CNBD2: variants seen among roughly 807,000 people sequenced by gnomAD.
CNBD2 encodes cyclic nucleotide binding domain containing 2, also known as cyclic nucleotide-binding domain-containing protein 2.
CNBD2 carries 64 observed loss-of-function variants against 63.7 expected under a neutral mutation model. The ratio of observed to expected loss-of-function variants is 1.00; its 90% CI spans 0.82 to 1.24. The LOEUF is 1.24. CNBD2 is among the 50% of genes most tolerant of loss of function. CNBD2 has a pLI of 0.00. For synonymous variants in CNBD2, 229 were observed against 255.4 expected (o/e 0.90, Z 0.99); for missense variants, 691 against 713.5 (o/e 0.97, Z 0.36).
intron 8 of CNBD2, among the ~76,000 whole-genome samples, chr20:35,997,412 A>G (rs1176250797): frequency 6.6e-6 from 1 of 152,308 alleles, no homozygotes; most frequent in Non-Finnish European, 1.5e-5. Context: ...TTTGAGTCCC[A>G]TTTATTAGCT....
chr20:35,984,287 T>C (rs2056636668), intron 5 of CNBD2, 149 bp downstream of exon 5: 2 of 801,806 alleles, frequency 2.5e-6, no homozygotes, highest in Non-Finnish European at 2.0e-6. Context: ...CAAATGCTAA[T>C]TGAGTTGGAC....
intron 9 of CNBD2, among the ~76,000 whole-genome samples, chr20:36,009,033 TAC>T (rs1363640210): frequency 6.3e-5 from 9 of 142,098 alleles, no homozygotes; most frequent in African/African-American, 2.8e-4. Flanking sequence ...AGTTAACACT[TAC>T]AGAGTATTTT....
chr20:35,977,183 G>A (rs55680547), intron 3 of CNBD2, among the ~76,000 whole-genome samples: 3 of 152,318 alleles, frequency 2.0e-5, no homozygotes, highest in Admixed American at 6.5e-5. Context: ...CGCAGTAGAG[G>A]GCGGGAAGAG....
chr20:36,023,458 G>C (rs1215449705), intron 10 of CNBD2, 144 bp from the exon 11 acceptor site: 12 of 641,084 alleles, frequency 1.9e-5, no homozygotes, highest in Non-Finnish European at 3.0e-5. Flanking sequence ...GTTGCAGTGA[G>C]CTGAGATTTG....
rs534235446 is a variant in CNBD2 at position 35,997,180 on chromosome 20, C to G, written c.970+2028C>G. ...TTGGGTCAAGGACCCCAGCCCTCAA[C>G]AGATATTTGCAGTGGCTCAGATGTC... On this transcript the variant is annotated intron_variant, in intron 8 of 11. Transcript: ENST00000373973. Among the ~76,000 whole-genome samples, 111 of 152,252 alleles carry G rather than the reference C, an allele frequency of 7.3e-4. 1 individual carries two copies. The highest frequency in any genetic ancestry group is 2.6e-3 in the African/African-American group (107 of 41,540).
intron 7 of CNBD2, among the ~76,000 whole-genome samples, chr20:35,994,539 T>G (rs943726131): frequency 6.6e-6 from 1 of 150,928 alleles, no homozygotes; most frequent in African/African-American, 2.4e-5. Context: ...CTTCAGTTAC[T>G]TGAACTTCGT....
At position 36,011,286 on chromosome 20, in the gene CNBD2, T is replaced by A. The variant is rs760661431; in HGVS notation, c.1269+29T>A. ...AGTGTGCCAAGAGCTCTGTTCACCA[T>A]GGAGTACGTAACATGAATGGGCTGG... On this transcript the variant is annotated intron_variant, in intron 10 of 11. Transcript: ENST00000373973. The A allele has an allele frequency of 3.3e-6, 5 of 1,498,818 alleles. No individual in the cohort carries two copies. The African/African-American group carries it at 4.2e-5, about 13-fold the overall frequency. 92.8% of individuals were successfully genotyped at this position (1,498,818 alleles called of 1,614,324 possible). A position where few individuals can be genotyped will look rare whatever the true frequency, so the allele number is the denominator to read the frequency against.
intron 10 of CNBD2, among the ~76,000 whole-genome samples, chr20:36,020,803 C>A (rs2057197434): frequency 6.6e-6 from 1 of 152,208 alleles, no homozygotes. Flanking sequence ...ATGAGAGACA[C>A]ACGAGGTGCT....
At position 35,975,904 on chromosome 20, in the gene CNBD2, C is replaced by T. The variant is rs753000936; in HGVS notation, c.190-45C>T. 65 of 1,561,112 alleles carry T rather than the reference C, an allele frequency of 4.2e-5. No homozygotes were observed. In the Admixed American group the frequency reaches 1.0e-3, roughly 25 times the overall value. ...GGCTCTAGATGCAAAGTTCTAGGGG[C>T]AGTCTTGCTGATTCTCCCTCTTCTC... On this transcript the variant is annotated intron_variant, in intron 2 of 11. Coordinates refer to ENST00000373973, the MANE Select transcript of CNBD2 (RefSeq NM_001365709.1).
intron 10 of CNBD2, among the ~76,000 whole-genome samples, chr20:36,019,972 A>C (rs2057185982): frequency 6.6e-6 from 1 of 152,218 alleles, no homozygotes; most frequent in South Asian, 2.1e-4. Context: ...TTTGTGCCTC[A>C]GTTTCCTCAT....
intron 10 of CNBD2, among the ~76,000 whole-genome samples, chr20:36,020,689 T>C (rs1395153290): frequency 6.6e-6 from 1 of 152,130 alleles, no homozygotes; most frequent in Non-Finnish European, 1.5e-5. Context: ...TTCATATATA[T>C]ATGTTTCCTC....
Position 36,023,768 on chromosome 20 carries a change from C to T in CNBD2, c.1436C>T (p.Pro479Leu), listed in dbSNP as rs753316398. Residue 479 changes from proline to leucine, a missense_variant, in exon 11 of 12, where the codon CCC becomes CTC. Coordinates refer to ENST00000373973, the MANE Select transcript of CNBD2 (RefSeq NM_001365709.1). ...KKLLKLNIAF[P>L]SDEDMCQKFL... ...TTGTTAAAGCTCAATATTGCATTCC[C>T]CAGGTCAGTACTGGAAATGTGCGTA... The T allele has an allele frequency of 6.2e-7, 1 of 1,608,458 alleles. No individual in the cohort carries two copies. The highest frequency in any genetic ancestry group is 1.1e-5 in the South Asian group (1 of 89,944).
chr20:36,009,803 G>A (rs2057035180), intron 9 of CNBD2, among the ~76,000 whole-genome samples: 1 of 152,170 alleles, frequency 6.6e-6, no homozygotes, highest in Non-Finnish European at 1.5e-5. Flanking sequence ...CTGTACTTCA[G>A]CCTGTGCAAC....
At chr20:36,010,912 G>A (rs2057050044) in intron 9 of CNBD2, among the ~76,000 whole-genome samples, 1 of 152,306 alleles carries the variant, frequency 6.6e-6, no homozygotes, top group South Asian at 2.1e-4. Context: ...GGTGTTTAAG[G>A]GGAGGGCCTG....
intron 10 of CNBD2, among the ~76,000 whole-genome samples, chr20:36,018,121 T>C (rs1199860469): frequency 6.6e-6 from 1 of 152,232 alleles, no homozygotes; most frequent in African/African-American, 2.4e-5. Flanking sequence ...TGGTGTCTGC[T>C]TCACTTCAAT....
At chr20:36,028,072 G>T (rs968141204) in intron 11 of CNBD2, among the ~76,000 whole-genome samples, 5 of 152,134 alleles carry the variant, frequency 3.3e-5, no homozygotes, top group African/African-American at 9.7e-5. Context: ...GTTCCTTCTG[G>T]TTCAAGGATG....
intron 8 of CNBD2, among the ~76,000 whole-genome samples, chr20:36,001,488 G>A (rs898079113): frequency 3.3e-5 from 5 of 150,338 alleles, no homozygotes; most frequent in South Asian, 4.2e-4. Flanking sequence ...CTGGCCGGGC[G>A]GGGGGCTGAC....
Position 35,996,508 on chromosome 20 carries a change from G to GTT in CNBD2, c.970+1371_970+1372dup, listed in dbSNP as rs1275063891. Reference sequence around the variant, plus strand: ...TAATTCTCATAATAGCTCTCTTTTTGTTTTTTTTTTTTTTTTGGAGACAGA... The same window carrying GTT: ...TAATTCTCATAATAGCTCTCTTTTTGTTTTTTTTTTTTTTTTTTGGAGACAGA... On this transcript the variant is annotated intron_variant, in intron 8 of 11. Transcript: ENST00000373973. Among the ~76,000 whole-genome samples the GTT allele has an allele frequency of 4.1e-3, 548 of 132,176 alleles. 7 individuals are homozygous for GTT. Among genetic ancestry groups the GTT allele is most frequent in the African/African-American group, 0.014 (506 of 35,548 alleles). 86.7% of individuals were successfully genotyped at this position (132,176 alleles called of 152,430 possible).
chr20:36,016,746 A>G (rs1169280089), intron 10 of CNBD2, among the ~76,000 whole-genome samples: 1 of 147,748 alleles, frequency 6.8e-6, no homozygotes, highest in African/African-American at 2.5e-5. Flanking sequence ...CCAGGATTGC[A>G]CCACTGCACT....
Sources: gnomAD v4.1 joint callset for allele counts (sites outside exome capture counted in the v4.1 genomes callset) on GRCh38, gnomAD v4.1.1 for gene constraint, MANE v1.5 for transcripts, NCBI Gene and HGNC (gene_info 2026-07-23, HGNC 2026-07-21) for gene names.